Variants in GBX2 observed in about 807,000 individuals in gnomAD.
GBX2 encodes the protein gastrulation brain homeobox 2, also known as homeobox protein GBX-2.
Under a neutral mutation model 22.4 loss-of-function variants are expected in GBX2, and 5 were observed. The observed-to-expected ratio is 0.22, with a 90% CI of 0.12 to 0.47. GBX2 has a LOEUF of 0.47. Ranked by LOEUF, GBX2 falls within the 20% of genes least tolerant of loss-of-function variation. The pLI is 0.99. For synonymous variants in GBX2, 220 were observed against 230.5 expected, an observed-to-expected ratio of 0.95 and a Z score of 0.41; for missense variants, 470 against 495.4, an observed-to-expected ratio of 0.95 and a Z score of 0.49.
In GBX2 at chr2:236,166,828, C is replaced by T. The variant is rs761860936; in HGVS notation, c.524-391G>A. Among the ~76,000 whole-genome samples, 342 of 152,246 alleles carry T rather than the reference C, an allele frequency of 2.2e-3. 4 individuals are homozygous for T. The highest frequency in any genetic ancestry group is 3.9e-3 in the Non-Finnish European group (267 of 68,008). On this transcript the variant is annotated intron_variant, in intron 1 of 1. Transcript: ENST00000306318. The surrounding 1 kb of genome is among the most constrained non-coding windows in gnomAD (Gnocchi z 6.6). ...GATGGGGGGATTCACGATTCATCCT[C>T]CCCCCACCGCCACCATGAAAATGTA... is the stretch of plus-strand genomic sequence containing the variant.
downstream of GBX2, among the ~76,000 whole-genome samples, chr2:236,162,095 TCAAA>T (rs2060216023): frequency 6.6e-6 from 1 of 152,130 alleles, no homozygotes; most frequent in South Asian, 2.1e-4. Flanking sequence ...CCCATTAAGC[TCAAA>T]CAAACAGAAA....
chr2:236,165,672 T>C lies in GBX2; in HGVS notation c.*242A>G, dbSNP rs368001313. ...AATACTGCAGCTGAGATCCAGTCTA[T>C]AGAGATATTTATGTACAAAGTAGGA... On this transcript the variant is annotated 3_prime_UTR_variant, in exon 2 of 2. Transcript: ENST00000306318. 30 of 507,148 alleles carry C rather than the reference T, an allele frequency of 5.9e-5. No individual in the cohort carries two copies. Among genetic ancestry groups the C allele is most frequent in the South Asian group, 2.3e-4 (7 of 29,990 alleles). 31.4% of individuals were successfully genotyped at this position (507,148 alleles called of 1,614,324 possible).
At chr2:236,163,133 AAATGAAAGCCAT>A (rs1184558124), downstream of GBX2, among the ~76,000 whole-genome samples, 8 of 152,258 alleles carry the variant, frequency 5.3e-5, no homozygotes, top group East Asian at 1.6e-3. Flanking sequence ...TTAGGCAGCC[AAATGAAAGCCAT>A]GATGACGGCC....
At position 236,168,135 on chromosome 2, in the gene GBX2, C is replaced by T. The variant is rs1352595947; in HGVS notation, c.-164G>A. ...CCCTCAGTCCTGGGCCCGCTGCATG[C>T]CGGGCGGGTGCAGGGGGTGTGCGGG... On this transcript the variant is annotated 5_prime_UTR_variant, in exon 1 of 2. Transcript: ENST00000306318. The T allele has an allele frequency of 1.5e-5, 10 of 678,052 alleles. No homozygotes were observed. The highest frequency in any genetic ancestry group is 3.8e-5 in the African/African-American group (2 of 52,704). The allele number at this position is 678,052 out of a possible 1,614,324, so 42.0% of individuals were successfully genotyped here.
chr2:236,166,541 T>A lies in GBX2; in HGVS notation c.524-104A>T. The A allele has an allele frequency of 1.0e-6, 1 of 953,858 alleles. No homozygotes were observed. Among genetic ancestry groups the A allele is most frequent in the Non-Finnish European group, 1.6e-6 (1 of 627,374 alleles). 59.1% of individuals were successfully genotyped at this position (953,858 alleles called of 1,614,324 possible). A position where few individuals can be genotyped will look rare whatever the true frequency, so the allele number is the denominator to read the frequency against. ...TTCCGCGCCCCCCGCCCCCCACCCT[T>A]TAGCGGATTGTCTTTCTATGACATT... On this transcript the variant is annotated intron_variant, in intron 1 of 1. Transcript: ENST00000306318. This position sits in a 1 kb window ranked among gnomAD's most constrained non-coding sequence, Gnocchi z 6.6.
At position 236,168,248 on chromosome 2, in the gene GBX2, G is replaced by T. The variant is rs2060254819; in HGVS notation, c.-277C>A. The T allele has an allele frequency of 1.4e-5, 3 of 216,024 alleles. No homozygotes were observed. The highest frequency in any genetic ancestry group is 2.3e-5 in the African/African-American group (1 of 43,412). 13.4% of individuals were successfully genotyped at this position (216,024 alleles called of 1,614,324 possible). A position where few individuals can be genotyped will look rare whatever the true frequency, so the allele number is the denominator to read the frequency against. On this transcript the variant is annotated 5_prime_UTR_variant, in exon 1 of 2. Coordinates refer to ENST00000306318, the MANE Select transcript of GBX2 (RefSeq NM_001485.4). ...GTCCGCCGCTTGCCCGTCGGAGCCCGCGCGCTTCGCGGGTTTGGCCCTCGG... is the reference window on the plus strand; with the variant it reads ...GTCCGCCGCTTGCCCGTCGGAGCCCTCGCGCTTCGCGGGTTTGGCCCTCGG...
rs761562679 is a variant in GBX2 at position 236,167,450 on chromosome 2, G to A, written c.522C>T (p.Leu174=). The A allele has an allele frequency of 1.4e-6, 2 of 1,480,414 alleles. No individual in the cohort carries two copies. The highest frequency in any genetic ancestry group is 1.8e-6 in the Non-Finnish European group (2 of 1,119,840). The allele number at this position is 1,480,414 out of a possible 1,614,324, so 91.7% of individuals were successfully genotyped here. Residue 174 remains leucine (L), a splice_region_variant and synonymous_variant, in exon 1 of 2, where the codon CTC becomes CTT. Transcript: ENST00000306318. The stretch of plus-strand genomic sequence containing the variant: ...CGGCTGCGCGCGCCGCCGACTCACC[G>A]AGCGAAGCCTGCACCGTCTCGGCCG... ...FSAAETVQAS[L]VGAVRGQGKD... is the part of the protein sequence containing the mutation.
rs780745297 is a variant in GBX2 at position 236,166,423 on chromosome 2, C to T, written c.538G>A (p.Gly180Arg). ...ACCTTTGACTCGTCTTTCCCTTGCCCTCGGACAGCCCCGACTGAAAGCAAA... is the reference window on the plus strand; with the variant it reads ...ACCTTTGACTCGTCTTTCCCTTGCCTTCGGACAGCCCCGACTGAAAGCAAA... The part of the protein sequence containing the change: ...VQASLVGAVR[G>R]QGKDESKVED... Residue 180 changes from glycine to arginine, a missense_variant, in exon 2 of 2, where the codon GGG (glycine) becomes AGG (arginine). Gly to Arg is a moderately radical substitution (Grantham distance 125). This residue lies in a region of GBX2 where 377 missense variants were observed against 358.6 expected (regional missense o/e 1.05). Coordinates refer to ENST00000306318, the MANE Select transcript of GBX2 (RefSeq NM_001485.4). This position sits in a 1 kb window ranked among gnomAD's most constrained non-coding sequence, Gnocchi z 6.6. The T allele has an allele frequency of 8.7e-6, 14 of 1,611,298 alleles. No homozygotes were observed. Among genetic ancestry groups the T allele is most frequent in the Non-Finnish European group, 1.1e-5 (13 of 1,177,928 alleles).
chr2:236,167,273 G>A (rs1576382699), intron 1 of GBX2, 176 bp downstream of exon 1: 3 of 1,407,106 alleles, frequency 2.1e-6, no homozygotes, highest in East Asian at 5.0e-5. Context: ...TTGTTGGGTG[G>A]CTCTGAATGT....
downstream of GBX2, among the ~76,000 whole-genome samples, chr2:236,165,009 T>C (rs1226397728): frequency 6.6e-6 from 1 of 152,148 alleles, no homozygotes; most frequent in East Asian, 1.9e-4. Flanking sequence ...AAGGGGGAGA[T>C]AGATTTCTAA....
chr2:236,165,365 A>G lies in GBX2; in HGVS notation c.*549T>C, dbSNP rs1052697799. 1.3e-5 allele frequency: 2 copies of G among 153,600 alleles called. No homozygotes were observed. The highest frequency in any genetic ancestry group is 2.9e-5 in the Non-Finnish European group (2 of 69,030). 9.5% of individuals were successfully genotyped at this position (153,600 alleles called of 1,614,324 possible). A position where few individuals can be genotyped will look rare whatever the true frequency, so the allele number is the denominator to read the frequency against. On this transcript the variant is annotated 3_prime_UTR_variant, in exon 2 of 2. Coordinates refer to ENST00000306318, the MANE Select transcript of GBX2 (RefSeq NM_001485.4). The stretch of plus-strand genomic sequence containing the variant: ...AACGGAGACGTGCTTCACATGGCTC[A>G]GATAGGATAGGCAACCCCAGGGGAA...
rs181687159 is a variant in GBX2, at chr2:236,166,503, C to G, written c.524-66G>C. On this transcript the variant is annotated intron_variant, in intron 1 of 1. Coordinates refer to ENST00000306318, the MANE Select transcript of GBX2 (RefSeq NM_001485.4). This position sits in a 1 kb window ranked among gnomAD's most constrained non-coding sequence, Gnocchi z 6.6. ...ACTGGCCTTCCTTTCTCCTTCCCAC[C>G]GTCATTTGGACATTCCGCGCCCCCC... The G allele has an allele frequency of 1.2e-5, 17 of 1,454,780 alleles. No homozygotes were observed. Among genetic ancestry groups the G allele is most frequent in the Non-Finnish European group, 1.5e-5 (16 of 1,059,242 alleles). 90.1% of individuals were successfully genotyped at this position (1,454,780 alleles called of 1,614,324 possible).
downstream of GBX2, among the ~76,000 whole-genome samples, chr2:236,163,086 G>A (rs373346100): frequency 1.4e-4 from 22 of 152,314 alleles, 1 homozygote; most frequent in East Asian, 2.9e-3. Flanking sequence ...GGGCCCGGGC[G>A]ATTGACAATT....
At position 236,166,997 on chromosome 2, in the gene GBX2, CAG is replaced by C. The variant is rs557720677; in HGVS notation, c.523+450_523+451del. On this transcript the variant is annotated intron_variant, in intron 1 of 1. Coordinates refer to ENST00000306318, the MANE Select transcript of GBX2 (RefSeq NM_001485.4). This position sits in a 1 kb window ranked among gnomAD's most constrained non-coding sequence, Gnocchi z 6.6. ...ACCAGACACCCCCAACACAAACACA[CAG>C]GCACAGCCTCCCAGCAGTCCGTTTC... The C allele has an allele frequency of 4.9e-4, 374 of 764,282 alleles. 1 individual carries two copies. The African/African-American group carries it at 6.0e-3, about 12-fold the overall frequency. 47.3% of individuals were successfully genotyped at this position (764,282 alleles called of 1,614,324 possible).
rs1275572641 is a variant in GBX2 at position 236,167,768 on chromosome 2, G to A, written c.204C>T (p.Ala68=). ...CGGGCGGCAGCGCTGGCTGCAGCGC[G>A]GCCTGGGGCAGCGCGGGCGGCGGCG... is the stretch of plus-strand genomic sequence containing the variant. ...PPPPPPALPQ[A]ALQPALPPAH... Residue 68 remains alanine (A), a synonymous_variant, in exon 1 of 2, where the codon GCC becomes GCT. Coordinates refer to ENST00000306318, the MANE Select transcript of GBX2 (RefSeq NM_001485.4). 1 of 1,417,344 alleles carries A rather than the reference G, an allele frequency of 7.1e-7. No individual in the cohort carries two copies. Among genetic ancestry groups the A allele is most frequent in the Non-Finnish European group, 9.2e-7 (1 of 1,090,514 alleles). The allele number at this position is 1,417,344 out of a possible 1,614,324, so 87.8% of individuals were successfully genotyped here.
At chr2:236,162,672 G>T (rs1041894768), downstream of GBX2, among the ~76,000 whole-genome samples, 1 of 152,206 alleles carries the variant, frequency 6.6e-6, no homozygotes, top group Non-Finnish European at 1.5e-5. Flanking sequence ...TGGCTGCGGG[G>T]TGCAGGCAGC....
In GBX2 at chr2:236,167,710, T is replaced by A; in HGVS notation, c.262A>T (p.Thr88Ser). ...TGCGCCAGGCTGGAGCAGAAGCCTG[T>A]GGGCAGGCTGGGGATCTGGTGGTGA... ...HPHHQIPSLPTGFCSSLAQGM... is the reference protein window; with the variant it reads ...HPHHQIPSLPSGFCSSLAQGM... Residue 88 changes from threonine to serine, a missense_variant, in exon 1 of 2, where the codon ACA (threonine) becomes TCA (serine). Transcript: ENST00000306318. 6.4e-7 allele frequency: 1 copy of A among 1,565,252 alleles called. No individual in the cohort carries two copies. Among genetic ancestry groups the A allele is most frequent in the Non-Finnish European group, 8.6e-7 (1 of 1,159,152 alleles).
In GBX2 at chr2:236,165,955, T is replaced by G; in HGVS notation, c.1006A>C (p.Ile336Leu). Residue 336 changes from isoleucine (I) to leucine (L), a missense_variant, in exon 2 of 2, where the codon ATC becomes CTC. Physicochemically the swap from Ile to Leu is conservative, Grantham distance 5 (BLOSUM62 2). Coordinates refer to ENST00000306318, the MANE Select transcript of GBX2 (RefSeq NM_001485.4). ...PIPVHVSRFA[I>L]RSQHQQLEQA... ...TCTAGCTGCTGATGCTGACTTCTGA[T>G]AGCGAACCTGCTGACGTGGACAGGG... 2 of 1,614,118 alleles carry G rather than the reference T, an allele frequency of 1.2e-6. No homozygotes were observed. The highest frequency in any genetic ancestry group is 1.7e-6 in the Non-Finnish European group (2 of 1,180,006).
downstream of GBX2, among the ~76,000 whole-genome samples, chr2:236,164,549 C>T (rs1276149165): frequency 6.6e-6 from 1 of 152,114 alleles, no homozygotes; most frequent in Non-Finnish European, 1.5e-5. Flanking sequence ...CAGACCGACT[C>T]CCAGCTCCCC....
Sources: gnomAD v4.1 joint callset for allele counts (sites outside exome capture counted in the v4.1 genomes callset) on GRCh38, gnomAD v4.1.1 for gene constraint, gnomAD v4.1.1 regional missense constraint, Gnocchi (gnomAD v3.1) non-coding constraint, MANE v1.5 for transcripts, NCBI Gene and HGNC (gene_info 2026-07-23, HGNC 2026-07-21) for gene names.